The following BLNK variants were observed in gnomAD, a reference collection of about 807,000 sequenced individuals.
The protein encoded by BLNK is B cell linker.
Under a neutral mutation model 73.5 loss-of-function variants are expected in BLNK, and 29 were observed. That is an observed-to-expected ratio of 0.39 (90% CI 0.29 to 0.54). BLNK has a LOEUF of 0.54. Ranked by LOEUF, BLNK falls within the 20% of genes least tolerant of loss-of-function variation. The probability of loss-of-function intolerance (pLI) is 0.61; values close to 1 mark genes in which losing one functional copy is unlikely to be tolerated. For missense variants in BLNK, 460 were observed against 562.8 expected (o/e 0.82, Z 1.85); for synonymous variants, 176 against 200.8 (o/e 0.88, Z 1.04).
chr10:96,268,620 C>T (rs1554914806), intron 1 of BLNK, among the ~76,000 whole-genome samples: 1 of 152,102 alleles, frequency 6.6e-6, no homozygotes, highest in East Asian at 1.9e-4. Flanking sequence ...ATGACCCATC[C>T]CCACTGGGTT....
At chr10:96,238,528 C>T (rs1842776761) in intron 3 of BLNK, among the ~76,000 whole-genome samples, 1 of 152,114 alleles carries the variant, frequency 6.6e-6, no homozygotes, top group Non-Finnish European at 1.5e-5. Context: ...TTTCCAAGAT[C>T]CTAAAGACTC....
In BLNK at chr10:96,216,715, A is replaced by G; in HGVS notation, c.545T>C (p.Val182Ala). 1 of 1,614,038 alleles carries G rather than the reference A, an allele frequency of 6.2e-7. No individual in the cohort carries two copies. ...AATATAGTTTTCATCATTATCTTCC[A>G]CGGGGACCACATAATCAGCCTAACA... ...LEDEADYVVP[V>A]EDNDENYIHP... is the part of the protein sequence containing the mutation. The change falls in exon 7 of 17, where the codon GTG becomes GCG. Residue 182 changes from valine to alanine, a missense_variant. By Grantham distance (64) the Val-to-Ala change is moderately conservative. Around this residue, in one of 3 missense-constraint regions of BLNK, gnomAD observed 233 missense variants for 232.1 expected, o/e 1.00. Coordinates refer to ENST00000224337, the MANE Select transcript of BLNK (RefSeq NM_013314.4).
At chr10:96,247,083 T>C (rs2134093298) in intron 1 of BLNK, 34 bp from the exon 2 acceptor site, 2 of 1,492,052 alleles carry the variant, frequency 1.3e-6, no homozygotes. Flanking sequence ...AAGATATTAA[T>C]AACCAGTCTG....
intron 2 of BLNK, among the ~76,000 whole-genome samples, chr10:96,244,809 C>T (rs1213453531): frequency 6.6e-6 from 1 of 152,060 alleles, no homozygotes; most frequent in African/African-American, 2.4e-5. Context: ...AGCTCCACAG[C>T]TGCTGTAAAT....
chr10:96,191,254 T>TA lies in BLNK; in HGVS notation c.*718dup, dbSNP rs1554893322. Among the ~76,000 whole-genome samples, 3 of 148,018 alleles carry TA rather than the reference T, an allele frequency of 2.0e-5. No individual in the cohort carries two copies. In the East Asian group the frequency reaches 5.8e-4, roughly 29 times the overall value. On this transcript the variant is annotated 3_prime_UTR_variant, in exon 17 of 17. Transcript: ENST00000224337. The stretch of plus-strand genomic sequence containing the variant: ...AAACCTCTTTTTTTTTTTTTTTTTT[T>TA]ATGTAAATCACCCAGTCTTGAGTAT...
intron 1 of BLNK, among the ~76,000 whole-genome samples, chr10:96,269,745 C>T (rs868946009): frequency 6.6e-6 from 1 of 152,176 alleles, no homozygotes; most frequent in Non-Finnish European, 1.5e-5. Flanking sequence ...CCTGGACCCA[C>T]CTTATTTGTC....
chr10:96,252,177 G>C (rs140527222), intron 1 of BLNK, among the ~76,000 whole-genome samples: 1 of 152,040 alleles, frequency 6.6e-6, no homozygotes, highest in Non-Finnish European at 1.5e-5. Context: ...TCAGCCTCCC[G>C]AGTAGCTGAG....
At chr10:96,206,229 T>G (rs2083803541) in intron 11 of BLNK, among the ~76,000 whole-genome samples, 1 of 152,184 alleles carries the variant, frequency 6.6e-6, no homozygotes, top group South Asian at 2.1e-4. Flanking sequence ...GGGAGAATAC[T>G]CACTACATTT....
intron 8 of BLNK, chr10:96,210,249 C>T: frequency 5.3e-6 from 2 of 378,238 alleles, no homozygotes; most frequent in Non-Finnish European, 5.1e-6. Context: ...CACAGAGGTC[C>T]TTCAGGAAGG....
At position 96,266,160 on chromosome 10, in the gene BLNK, C is replaced by T. The variant is rs781912903; in HGVS notation, c.47+5192G>A. Reference sequence around the variant, plus strand: ...AATGAACCAAGCTGATAAATTCTCCCAAGAACAGATGGGGTTAAATCACCT... The same window carrying T: ...AATGAACCAAGCTGATAAATTCTCCTAAGAACAGATGGGGTTAAATCACCT... On this transcript the variant is annotated intron_variant, in intron 1 of 16. Transcript: ENST00000224337. 4.8e-4 allele frequency among the ~76,000 whole-genome samples: 73 copies of T among 152,258 alleles called. 1 individual carries two copies. The Middle Eastern group carries it at 0.014, about 28-fold the overall frequency.
intron 6 of BLNK, 71 bp from the exon 7 acceptor site, chr10:96,216,805 T>C (rs968130809): frequency 1.5e-6 from 2 of 1,327,622 alleles, no homozygotes; most frequent in Admixed American, 3.4e-5. Flanking sequence ...AGGGAGTGAT[T>C]TTTTTAAAAA....
chr10:96,222,685 A>G (rs1427820098), intron 6 of BLNK, among the ~76,000 whole-genome samples: 14 of 152,096 alleles, frequency 9.2e-5, no homozygotes, highest in African/African-American at 3.4e-4. Context: ...AAGGGAAGTG[A>G]GGGATTAGCT....
chr10:96,217,271 A>G (rs1482761020), intron 6 of BLNK, among the ~76,000 whole-genome samples: 1 of 152,196 alleles, frequency 6.6e-6, no homozygotes, highest in Non-Finnish European at 1.5e-5. Flanking sequence ...TAATGGTGTC[A>G]TGACTATTCA....
chr10:96,231,863 C>T (rs587626323), intron 3 of BLNK, among the ~76,000 whole-genome samples: 7 of 152,312 alleles, frequency 4.6e-5, no homozygotes, highest in South Asian at 2.1e-4. Flanking sequence ...TTGCCTTCCA[C>T]GGGCATGCGC....
rs1443838077 is a variant in BLNK, at chr10:96,212,431, A to G, written c.677-2524T>C. On this transcript the variant is annotated intron_variant, in intron 8 of 16. Transcript: ENST00000224337. The stretch of plus-strand genomic sequence containing the variant: ...AATTCTCATGGTATCTACTCATGAT[A>G]CCCCTAGGCATAGGTGCCATTTTTT... Among the ~76,000 whole-genome samples the G allele has an allele frequency of 2.6e-5, 4 of 152,318 alleles. No homozygotes were observed. The East Asian group carries it at 7.7e-4, about 29-fold the overall frequency.
intron 1 of BLNK, among the ~76,000 whole-genome samples, chr10:96,264,045 G>A (rs1265219727): frequency 1.3e-5 from 2 of 152,178 alleles, no homozygotes; most frequent in African/African-American, 4.8e-5. Context: ...GGAGCAACAG[G>A]TGAAACATAC....
rs2083293572 is a variant in BLNK at position 96,189,280 on chromosome 10, A to G, written c.*2693T>C. ...GTAGGGAAAGTTCTCACTCTGCATT[A>G]TAGAAAGGACAGCCAGATATTGACT... is the stretch of plus-strand genomic sequence containing the variant. On this transcript the variant is annotated 3_prime_UTR_variant, in exon 17 of 17. Transcript: ENST00000224337. 1 of 430,688 alleles carries G rather than the reference A, an allele frequency of 2.3e-6. No homozygotes were observed. Among genetic ancestry groups the G allele is most frequent in the Admixed American group, 3.3e-5 (1 of 30,410 alleles). The allele number at this position is 430,688 out of a possible 1,614,324, so 26.7% of individuals were successfully genotyped here.
chr10:96,235,430 TCA>T, intron 3 of BLNK, among the ~76,000 whole-genome samples: 1 of 152,290 alleles, frequency 6.6e-6, no homozygotes, highest in Admixed American at 6.5e-5. Context: ...TGTTCCAAGT[TCA>T]CACAGTGCTT....
At chr10:96,252,756 G>A (rs539574058) in intron 1 of BLNK, among the ~76,000 whole-genome samples, 8 of 152,274 alleles carry the variant, frequency 5.3e-5, no homozygotes, top group East Asian at 3.9e-4. Context: ...CTCTCCTTGC[G>A]TGACAATGGA....
Sources: allele counts gnomAD v4.1 joint callset (sites outside exome capture counted in the v4.1 genomes callset), GRCh38; gene constraint gnomAD v4.1.1; regional missense constraint gnomAD v4.1.1; transcripts MANE v1.5; gene names NCBI Gene and HGNC (gene_info 2026-07-23, HGNC 2026-07-21).